ADGRV1: variants seen among roughly 807,000 people sequenced by gnomAD.
ADGRV1 encodes G-protein coupled receptor 98.
Under a neutral mutation model 596.2 loss-of-function variants are expected in ADGRV1, and 359 were observed. The observed-to-expected ratio is 0.60, with a 90% CI of 0.55 to 0.66. ADGRV1 has a LOEUF of 0.66. Among genes scored for constraint, ADGRV1 ranks in the 30% least tolerant of loss-of-function variants. The pLI is 0.00. For missense variants in ADGRV1, 7,274 were observed against 7,575.6 expected (o/e 0.96, Z 1.48); for synonymous variants, 2,681 against 2,679.2 (o/e 1.00, Z -0.02).
chr5:91,148,026 C>T (rs1367560766), intron 87 of ADGRV1, among the ~76,000 whole-genome samples: 1 of 152,124 alleles, frequency 6.6e-6, no homozygotes, highest in Non-Finnish European at 1.5e-5. Context: ...TGTCATTTTA[C>T]CCCCTCCCTA....
intron 45 of ADGRV1, 23 bp downstream of exon 45, chr5:90,721,082 A>G: frequency 6.2e-7 from 1 of 1,601,534 alleles, no homozygotes; most frequent in Non-Finnish European, 8.5e-7. Context: ...TCTTATGAGA[A>G]CAAAATTCTG....
Position 90,756,439 on chromosome 5 carries a change from T to C in ADGRV1, c.11581-15T>C. 1 of 1,450,778 alleles carries C rather than the reference T, an allele frequency of 6.9e-7. No homozygotes were observed. Among genetic ancestry groups the C allele is most frequent in the Non-Finnish European group, 9.1e-7 (1 of 1,093,890 alleles). 89.9% of individuals were successfully genotyped at this position (1,450,778 alleles called of 1,614,324 possible). On this transcript the variant is annotated splice_polypyrimidine_tract_variant and intron_variant, in intron 55 of 89. Coordinates refer to ENST00000405460, the MANE Select transcript of ADGRV1 (RefSeq NM_032119.4). ...AAAAAAAAATGAAACACCATCTTTT[T>C]CCCCCATCCCCCAGGATGACCTTCC... is the stretch of plus-strand genomic sequence containing the variant.
rs3076324 is a variant in ADGRV1, at chr5:90,957,556, T to TTATATA, written c.17857-7847_17857-7842dup. 9.0e-4 allele frequency among the ~76,000 whole-genome samples: 131 copies of TTATATA among 146,242 alleles called. 1 individual carries two copies. Among genetic ancestry groups the TTATATA allele is most frequent in the East Asian group, 5.5e-3 (28 of 5,076 alleles). Reference sequence around the variant, plus strand: ...GCTTCCTTTTTCTAATTTCAACTGTTTATATATATATATATATTACATATA... The same window carrying TTATATA: ...GCTTCCTTTTTCTAATTTCAACTGTTTATATATATATATATATATATATTACATATA... On this transcript the variant is annotated intron_variant, in intron 83 of 89. Transcript: ENST00000405460.
At chr5:90,577,844 G>T (rs1757438905) in intron 1 of ADGRV1, among the ~76,000 whole-genome samples, 1 of 152,114 alleles carries the variant, frequency 6.6e-6, no homozygotes, top group Non-Finnish European at 1.5e-5. Context: ...TCCTTTGTAA[G>T]TTGGATTCCT....
intron 21 of ADGRV1, among the ~76,000 whole-genome samples, chr5:90,669,306 A>G (rs992445415): frequency 1.8e-4 from 27 of 152,194 alleles, no homozygotes; most frequent in African/African-American, 6.3e-4. Flanking sequence ...TCTGTCCAAC[A>G]TCTTAAGGTT....
intron 82 of ADGRV1, 86 bp from the exon 83 acceptor site, chr5:90,863,671 C>T: frequency 1.0e-6 from 1 of 979,338 alleles, no homozygotes; most frequent in Non-Finnish European, 1.7e-6. Context: ...CCTGACATGC[C>T]TAGCTGCCCC....
chr5:90,883,434 TG>T (rs1050157413), intron 83 of ADGRV1, among the ~76,000 whole-genome samples: 9 of 152,102 alleles, frequency 5.9e-5, no homozygotes, highest in Non-Finnish European at 1.0e-4. Context: ...ATGCCGAAAA[TG>T]GGGTGGTCTT....
At chr5:90,894,635 G>C (rs1302022454) in intron 83 of ADGRV1, among the ~76,000 whole-genome samples, 1 of 152,194 alleles carries the variant, frequency 6.6e-6, no homozygotes, top group Non-Finnish European at 1.5e-5. Flanking sequence ...GCAGCACAGT[G>C]ACTTCCCAGA....
At chr5:91,046,130 A>T (rs549668489) in intron 85 of ADGRV1, among the ~76,000 whole-genome samples, 1 of 152,212 alleles carries the variant, frequency 6.6e-6, no homozygotes, top group Non-Finnish European at 1.5e-5. Context: ...TCCCAACAAA[A>T]TATCATCATC....
In ADGRV1 at chr5:90,935,431, G is replaced by A. The variant is rs6867530; in HGVS notation, c.17857-29984G>A. Among the ~76,000 whole-genome samples the A allele has an allele frequency of 9.2e-5, 14 of 151,756 alleles. No homozygotes were observed. In the South Asian group the frequency reaches 1.7e-3, roughly 18 times the overall value. ...TCTGCTACATTCAGTTCCAGCTTCC[G>A]CACCTCCTAGACCCTGACTGGTATC... On this transcript the variant is annotated intron_variant, in intron 83 of 89. Coordinates refer to ENST00000405460, the MANE Select transcript of ADGRV1 (RefSeq NM_032119.4).
At chr5:90,820,523 C>T (rs1581226472) in intron 75 of ADGRV1, among the ~76,000 whole-genome samples, 1 of 151,562 alleles carries the variant, frequency 6.6e-6, no homozygotes, top group African/African-American at 2.4e-5. Context: ...ATGGTCTTTA[C>T]ATTTTGGCAT....
chr5:90,725,099 A>G lies in ADGRV1; in HGVS notation c.9920A>G (p.Glu3307Gly), dbSNP rs1320958543. The G allele has an allele frequency of 2.6e-6, 4 of 1,539,340 alleles. No individual in the cohort carries two copies. Among genetic ancestry groups the G allele is most frequent in the Non-Finnish European group, 2.6e-6 (3 of 1,135,932 alleles). ...IFIPVEDLNIENPKTCEAFNI... is the reference protein window; with the variant it reads ...IFIPVEDLNIGNPKTCEAFNI... The stretch of plus-strand genomic sequence containing the variant: ...CTCATTTTCTAGGATTTAAATATAG[A>G]AAATCCTAAAACTTGTGAGGCCTTT... The change falls in exon 47 of 90, where the codon GAA becomes GGA. Residue 3307 changes from glutamate to glycine, a missense_variant. Coordinates refer to ENST00000405460, the MANE Select transcript of ADGRV1 (RefSeq NM_032119.4).
chr5:90,985,686 G>A (rs985976250), intron 85 of ADGRV1, among the ~76,000 whole-genome samples, 164 bp downstream of exon 85: 6 of 152,126 alleles, frequency 3.9e-5, no homozygotes, highest in African/African-American at 1.4e-4. Context: ...GGAAGCTGTG[G>A]CCTCTCAAGT....
rs1561401860 is a variant in ADGRV1 at position 90,622,663 on chromosome 5, GAAA to G, written c.522_524del (p.Lys175del). On this transcript the variant is annotated inframe_deletion, in exon 5 of 90. Transcript: ENST00000405460. ...GTCTATGCCTCTTACTCTCATCAGG[GAAA>G]AGGGAACCTATGGAATGGTCATGGT... is the stretch of plus-strand genomic sequence containing the variant. The G allele has an allele frequency of 1.3e-6, 2 of 1,557,524 alleles. No individual in the cohort carries two copies.
chr5:90,693,912 T>C lies in ADGRV1; in HGVS notation c.7156T>C (p.Leu2386=). The change falls in exon 33 of 90, where the codon TTG becomes CTG. Residue 2386 remains leucine, a synonymous_variant. Coordinates refer to ENST00000405460, the MANE Select transcript of ADGRV1 (RefSeq NM_032119.4). Reference sequence around the variant, plus strand: ...TAGCGGAGGGCACTTTGGTCGGCTGTTGTTGTTCTACAGTACTTCCGACAT... The same window carrying C: ...TAGCGGAGGGCACTTTGGTCGGCTGCTGTTGTTCTACAGTACTTCCGACAT... ...RRSGGHFGRL[L]LFYSTSDIDV... The C allele has an allele frequency of 6.4e-7, 1 of 1,567,228 alleles. No individual in the cohort carries two copies. The highest frequency in any genetic ancestry group is 8.7e-7 in the Non-Finnish European group (1 of 1,154,560).
intron 87 of ADGRV1, among the ~76,000 whole-genome samples, chr5:91,125,150 C>A (rs994273754): frequency 6.6e-6 from 1 of 152,188 alleles, no homozygotes; most frequent in Non-Finnish European, 1.5e-5. Flanking sequence ...TTTCTTTCGT[C>A]TTCCTATTGC....
chr5:90,681,264 A>G, intron 26 of ADGRV1, 51 bp from the exon 27 acceptor site: 1 of 1,588,942 alleles, frequency 6.3e-7, no homozygotes, highest in Admixed American at 1.8e-5. Context: ...TTGATTTGTA[A>G]ATTACTGATC....
chr5:90,813,666 C>T (rs755644395), intron 74 of ADGRV1, among the ~76,000 whole-genome samples: 4 of 152,190 alleles, frequency 2.6e-5, no homozygotes, highest in African/African-American at 4.8e-5. Flanking sequence ...GGCCTGACTA[C>T]ACCACCAGGC....
At chr5:91,019,610 C>T (rs562432239) in intron 85 of ADGRV1, among the ~76,000 whole-genome samples, 33 of 151,884 alleles carry the variant, frequency 2.2e-4, no homozygotes, top group Non-Finnish European at 1.6e-4. Context: ...GGATATGATG[C>T]CACTTGATCC....
Sources: allele counts gnomAD v4.1 joint callset (sites outside exome capture counted in the v4.1 genomes callset), GRCh38; gene constraint gnomAD v4.1.1; transcripts MANE v1.5; gene names NCBI Gene and HGNC (gene_info 2026-07-23, HGNC 2026-07-21).